RFX7: variants seen among roughly 807,000 people sequenced by gnomAD.
RFX7 encodes the protein DNA-binding protein RFX7.
A neutral mutation model predicts 111.8 loss-of-function variants in RFX7; 26 were observed. The ratio of observed to expected loss-of-function variants is 0.23; its 90% CI spans 0.17 to 0.32. The LOEUF is 0.32. Among genes scored for constraint, RFX7 ranks in the 10% least tolerant of loss-of-function variants. The pLI, the probability that RFX7 is intolerant of heterozygous loss-of-function variation, is 1.00. For missense variants in RFX7, 1,573 were observed against 1,772.9 expected (o/e 0.89, Z 2.02); for synonymous variants, 624 against 624.4 (o/e 1.00, Z 0.01).
At chr15:56,218,776 C>A (rs918811410) in intron 2 of RFX7, among the ~76,000 whole-genome samples, 3 of 152,180 alleles carry the variant, frequency 2.0e-5, no homozygotes, top group Non-Finnish European at 2.9e-5. Context: ...GCTTTATGTA[C>A]ATTACTTGCA....
chr15:56,124,158 C>G (rs2042112411), intron 5 of RFX7, among the ~76,000 whole-genome samples: 1 of 152,176 alleles, frequency 6.6e-6, no homozygotes, highest in Non-Finnish European at 1.5e-5. Flanking sequence ...TGCAGTGGCT[C>G]ACGCCTGTAA....
chr15:56,226,540 G>T (rs2043485342), intron 2 of RFX7, among the ~76,000 whole-genome samples: 1 of 152,124 alleles, frequency 6.6e-6, no homozygotes, highest in Non-Finnish European at 1.5e-5. Flanking sequence ...TTTTCAGGAA[G>T]CCAAAGACTG....
intron 5 of RFX7, among the ~76,000 whole-genome samples, chr15:56,107,078 A>T (rs1460576314): frequency 1.3e-5 from 2 of 152,088 alleles, no homozygotes; most frequent in East Asian, 3.9e-4. Context: ...CAGGCAGATC[A>T]CAAGGTCAGG....
chr15:56,213,075 G>A (rs1236617610), intron 2 of RFX7, among the ~76,000 whole-genome samples: 1 of 152,222 alleles, frequency 6.6e-6, no homozygotes, highest in African/African-American at 2.4e-5. Context: ...CTGTGGGAAT[G>A]TAACATGGTA....
intron 2 of RFX7, among the ~76,000 whole-genome samples, chr15:56,210,467 A>G (rs940719897): frequency 4.6e-5 from 7 of 152,244 alleles, no homozygotes; most frequent in Admixed American, 3.3e-4. Flanking sequence ...CCAATGGGAT[A>G]TAAAGGACTT....
intron 3 of RFX7, among the ~76,000 whole-genome samples, chr15:56,171,973 C>CAG (rs1392833719): frequency 6.6e-6 from 1 of 152,084 alleles, no homozygotes; most frequent in Non-Finnish European, 1.5e-5. Flanking sequence ...TGCAAAGCAA[C>CAG]AGACACCCTT....
chr15:56,125,610 A>T lies in RFX7; in HGVS notation c.401+17168T>A, dbSNP rs77126413. 4.5e-3 allele frequency among the ~76,000 whole-genome samples: 655 copies of T among 147,032 alleles called. 7 individuals carry two copies. The highest frequency in any genetic ancestry group is 0.016 in the African/African-American group (627 of 39,682). ...TCTGAGGGTTTCTTCTGTGTGTGTG[A>T]GTGTGTGTGTGTGTGTGTGTGTGTG... On this transcript the variant is annotated intron_variant, in intron 5 of 9. Coordinates refer to ENST00000559447, the MANE Select transcript of RFX7 (RefSeq NM_022841.7).
chr15:56,157,658 G>A (rs1050228866), intron 3 of RFX7, among the ~76,000 whole-genome samples: 3 of 152,204 alleles, frequency 2.0e-5, no homozygotes, highest in Non-Finnish European at 2.9e-5. Flanking sequence ...TTGGCTCACT[G>A]CAACCTCCAC....
At chr15:56,193,711 G>A (rs2043121021) in intron 2 of RFX7, among the ~76,000 whole-genome samples, 1 of 152,068 alleles carries the variant, frequency 6.6e-6, no homozygotes, top group African/African-American at 2.4e-5. Flanking sequence ...TTGATATAAA[G>A]TAGTAGGGAA....
chr15:56,107,899 C>T (rs1367832622), intron 5 of RFX7, among the ~76,000 whole-genome samples: 2 of 152,086 alleles, frequency 1.3e-5, no homozygotes, highest in African/African-American at 4.8e-5. Flanking sequence ...CACAGAAATA[C>T]AACTACCATC....
At chr15:56,201,521 A>G (rs1227888206) in intron 2 of RFX7, among the ~76,000 whole-genome samples, 1 of 152,214 alleles carries the variant, frequency 6.6e-6, no homozygotes, top group African/African-American at 2.4e-5. Flanking sequence ...CTAGAGAGGA[A>G]GATACCAAAA....
At position 56,094,975 on chromosome 15, in the gene RFX7, G is replaced by A. The variant is rs1220722158; in HGVS notation, c.2753C>T (p.Ser918Leu). The change falls in exon 10 of 10, where the codon TCA (serine) becomes TTA (leucine). Residue 918 changes from serine (S) to leucine (L), a missense_variant. Around this residue, in one of 7 missense-constraint regions of RFX7, gnomAD observed 625 missense variants for 632.2 expected, o/e 0.99. Coordinates refer to ENST00000559447, the MANE Select transcript of RFX7 (RefSeq NM_022841.7). ...NCLGMTLQSQ[S>L]VTPGAPMSSH... ...TGACATTGGAGCTCCTGGAGTTACT[G>A]ACTGACTCTGAAGGGTCATTCCCAA... 1 of 1,608,946 alleles carries A rather than the reference G, an allele frequency of 6.2e-7. No individual in the cohort carries two copies. The highest frequency in any genetic ancestry group is 8.5e-7 in the Non-Finnish European group (1 of 1,177,404).
intron 3 of RFX7, among the ~76,000 whole-genome samples, chr15:56,164,880 A>C (rs1278762420): frequency 2.6e-5 from 4 of 152,182 alleles, no homozygotes; most frequent in African/African-American, 9.7e-5. Flanking sequence ...CAGGAGTACA[A>C]ACACTGTGCC....
At chr15:56,125,610 A>AGTGTGTGTGT (rs10564650) in intron 5 of RFX7, among the ~76,000 whole-genome samples, 46 of 147,046 alleles carry the variant, frequency 3.1e-4, no homozygotes, top group Non-Finnish European at 5.4e-4. Flanking sequence ...TGTGTGTGTG[A>AGTGTGTGTGT]GTGTGTGTGT....
intron 3 of RFX7, among the ~76,000 whole-genome samples, chr15:56,161,805 T>C (rs1241254412): frequency 2.0e-5 from 3 of 152,062 alleles, no homozygotes; most frequent in African/African-American, 4.8e-5. Flanking sequence ...AAAACACTCA[T>C]ATAGTAGGAA....
intron 2 of RFX7, among the ~76,000 whole-genome samples, chr15:56,200,180 G>A (rs1291298351): frequency 6.6e-6 from 1 of 152,022 alleles, no homozygotes; most frequent in African/African-American, 2.4e-5. Context: ...CCAAATACAG[G>A]CAAATTTACC....
chr15:56,239,074 T>A (rs2043657402), intron 2 of RFX7, among the ~76,000 whole-genome samples: 1 of 152,082 alleles, frequency 6.6e-6, no homozygotes, highest in African/African-American at 2.4e-5. Context: ...ACTCAGGCAA[T>A]CTGCCCACCT....
intron 2 of RFX7, among the ~76,000 whole-genome samples, chr15:56,200,715 C>T (rs1474142143): frequency 6.6e-6 from 1 of 151,930 alleles, no homozygotes; most frequent in African/African-American, 2.4e-5. Flanking sequence ...AGGAGAAATG[C>T]TTGAATGAGG....
intron 2 of RFX7, among the ~76,000 whole-genome samples, chr15:56,189,113 C>T (rs1328363899): frequency 6.6e-6 from 1 of 152,210 alleles, no homozygotes; most frequent in African/African-American, 2.4e-5. Context: ...GGCACTGCGC[C>T]CCACTGCAAT....
Sources: gnomAD v4.1 joint callset for allele counts (sites outside exome capture counted in the v4.1 genomes callset) on GRCh38, gnomAD v4.1.1 for gene constraint, gnomAD v4.1.1 regional missense constraint, MANE v1.5 for transcripts, NCBI Gene and HGNC (gene_info 2026-07-23, HGNC 2026-07-21) for gene names.